The following ENTHD1 variants were observed in gnomAD, a reference collection of about 807,000 sequenced individuals.
The protein encoded by ENTHD1 is ENTH domain containing 1, also known as ENTH domain-containing protein 1.
Under a neutral mutation model 39.1 loss-of-function variants are expected in ENTHD1, and 23 were observed. The observed-to-expected ratio is 0.59, with a 90% confidence interval of 0.42 to 0.83. ENTHD1 has a LOEUF of 0.83. ENTHD1 is among the 40% of genes least tolerant of loss of function. ENTHD1 has a pLI of 0.00. For missense variants in ENTHD1, 624 were observed against 705.4 expected, an observed-to-expected ratio of 0.88 and a Z score of 1.31; for synonymous variants, 230 against 258.2, an observed-to-expected ratio of 0.89 and a Z score of 1.05.
chr22:39,810,511 G>C (rs2146631276), intron 5 of ENTHD1, among the ~76,000 whole-genome samples: 1 of 152,286 alleles, frequency 6.6e-6, no homozygotes, highest in African/African-American at 2.4e-5. Flanking sequence ...AGAGAGATCA[G>C]GCAGAACCGC....
In ENTHD1 at chr22:39,744,141, C is replaced by A. The variant is rs1198762570; in HGVS notation, c.1362G>T (p.Leu454Phe). ...PSFWTLSHQQ[L>F]SSTSFKDEDK... The stretch of plus-strand genomic sequence containing the variant: ...CTTCATCTTTAAAGGAGGTAGAAGA[C>A]AACTGTTGATGGGACAGAGTCCAGA... Residue 454 changes from leucine (L) to phenylalanine (F), a missense_variant, in exon 7 of 7, where the codon TTG (leucine) becomes TTT (phenylalanine). Coordinates refer to ENST00000325157, the MANE Select transcript of ENTHD1 (RefSeq NM_152512.4). The A allele has an allele frequency of 2.5e-6, 4 of 1,614,036 alleles. No individual in the cohort carries two copies. Among genetic ancestry groups the A allele is most frequent in the Non-Finnish European group, 2.5e-6 (3 of 1,179,990 alleles).
At chr22:39,789,353 AT>A (rs1435578595) in intron 5 of ENTHD1, among the ~76,000 whole-genome samples, 1 of 151,682 alleles carries the variant, frequency 6.6e-6, no homozygotes. Flanking sequence ...TCTCAATTGA[AT>A]TTTTTTTCTT....
chr22:39,891,475 C>CTT (rs58033623), intron 1 of ENTHD1, among the ~76,000 whole-genome samples: 15,466 of 142,624 alleles, frequency 0.11, 970 homozygotes, highest in African/African-American at 0.14. Context: ...ATTATAATCA[C>CTT]TTTTTTTTTT....
At chr22:39,841,691 A>G (rs2065945265) in intron 3 of ENTHD1, among the ~76,000 whole-genome samples, 2 of 149,388 alleles carry the variant, frequency 1.3e-5, no homozygotes, top group African/African-American at 4.9e-5. Context: ...TCTTTATCCA[A>G]TTTGCCAGTC....
intron 6 of ENTHD1, among the ~76,000 whole-genome samples, chr22:39,764,624 G>A (rs1250090162): frequency 6.6e-6 from 1 of 151,620 alleles, no homozygotes; most frequent in Non-Finnish European, 1.5e-5. Context: ...TTATATAATA[G>A]AGGATTTAGT....
intron 6 of ENTHD1, among the ~76,000 whole-genome samples, chr22:39,759,688 C>T (rs1387083426): frequency 1.3e-5 from 2 of 151,964 alleles, no homozygotes; most frequent in African/African-American, 4.8e-5. Flanking sequence ...AGGCATTCTT[C>T]CTTTCTCATA....
At chr22:39,828,708 C>T (rs2065844292) in intron 4 of ENTHD1, among the ~76,000 whole-genome samples, 1 of 152,128 alleles carries the variant, frequency 6.6e-6, no homozygotes, top group African/African-American at 2.4e-5. Flanking sequence ...GTTGAATCTC[C>T]TCAAACAGGA....
chr22:39,816,490 C>G (rs2065734548), intron 5 of ENTHD1, among the ~76,000 whole-genome samples: 1 of 151,858 alleles, frequency 6.6e-6, no homozygotes, highest in Admixed American at 6.6e-5. Context: ...ATTAAACAGA[C>G]CAGAACAAGA....
intron 6 of ENTHD1, among the ~76,000 whole-genome samples, chr22:39,757,194 C>T (rs2065191622): frequency 6.6e-6 from 1 of 152,140 alleles, no homozygotes; most frequent in South Asian, 2.1e-4. Context: ...TCTTACATGT[C>T]TTTTGTTAAG....
At chr22:39,747,183 C>G (rs1419108743) in intron 6 of ENTHD1, among the ~76,000 whole-genome samples, 3 of 152,008 alleles carry the variant, frequency 2.0e-5, no homozygotes, top group Non-Finnish European at 2.9e-5. Context: ...GAGAAGGGCT[C>G]TTGCTACATT....
chr22:39,821,172 C>T, intron 4 of ENTHD1, 59 bp from the exon 5 acceptor site: 2 of 1,583,584 alleles, frequency 1.3e-6, no homozygotes, highest in East Asian at 2.3e-5. Flanking sequence ...CCTGGATGGA[C>T]AATTTATTGA....
chr22:39,868,063 A>C (rs2066203824), intron 2 of ENTHD1, among the ~76,000 whole-genome samples: 1 of 151,888 alleles, frequency 6.6e-6, no homozygotes, highest in African/African-American at 2.4e-5. Context: ...TTATGGGGGC[A>C]GTGTTTGTGA....
At chr22:39,818,620 C>A (rs1035226363) in intron 5 of ENTHD1, among the ~76,000 whole-genome samples, 1 of 152,078 alleles carries the variant, frequency 6.6e-6, no homozygotes, top group Non-Finnish European at 1.5e-5. Context: ...TATCCTATTG[C>A]CAGTGGAGAA....
At chr22:39,848,919 A>C (rs1378793320) in intron 3 of ENTHD1, among the ~76,000 whole-genome samples, 4 of 152,200 alleles carry the variant, frequency 2.6e-5, no homozygotes, top group Admixed American at 6.5e-5. Context: ...TCATTTTTAC[A>C]ATATGGATAA....
At chr22:39,814,309 A>T (rs573278165) in intron 5 of ENTHD1, among the ~76,000 whole-genome samples, 88 of 151,862 alleles carry the variant, frequency 5.8e-4, no homozygotes, top group East Asian at 2.5e-3. Flanking sequence ...AAAAAAAAAA[A>T]AATAACCAGG....
intron 2 of ENTHD1, chr22:39,875,432 C>T (rs1320111878): frequency 1.3e-6 from 2 of 1,510,696 alleles, no homozygotes; most frequent in East Asian, 4.5e-5. Flanking sequence ...CCTGAAGCGG[C>T]CCTTCCTCAG....
intron 6 of ENTHD1, among the ~76,000 whole-genome samples, chr22:39,749,469 T>C (rs960979279): frequency 2.0e-5 from 3 of 152,218 alleles, no homozygotes; most frequent in Admixed American, 6.5e-5. Context: ...ATTAAAACTT[T>C]CCATTTTAAA....
chr22:39,885,889 C>T (rs559282144), intron 2 of ENTHD1, among the ~76,000 whole-genome samples: 1 of 152,108 alleles, frequency 6.6e-6, no homozygotes, highest in African/African-American at 2.4e-5. Flanking sequence ...GTGGTGATGG[C>T]CGCACAACAC....
intron 4 of ENTHD1, among the ~76,000 whole-genome samples, chr22:39,829,417 A>G (rs771932017): frequency 2.0e-5 from 3 of 152,102 alleles, no homozygotes; most frequent in Admixed American, 6.5e-5. Flanking sequence ...CTTTCATTCC[A>G]AAGCACATAG....
Sources: allele counts gnomAD v4.1 joint callset (sites outside exome capture counted in the v4.1 genomes callset), GRCh38; gene constraint gnomAD v4.1.1; transcripts MANE v1.5; gene names NCBI Gene and HGNC (gene_info 2026-07-23, HGNC 2026-07-21).